The following ALCAM variants were observed in gnomAD, a reference collection of about 807,000 sequenced individuals.
ALCAM encodes the protein activated leukocyte cell adhesion molecule.
ALCAM carries 30 observed loss-of-function variants against 70.9 expected under a neutral mutation model. The ratio of observed to expected loss-of-function variants is 0.42; its 90% CI spans 0.32 to 0.57. The LOEUF is 0.57. Among genes scored for constraint, ALCAM ranks in the 20% least tolerant of loss-of-function variants. The pLI is 0.11. For synonymous variants in ALCAM, 249 were observed against 242.5 expected, an observed-to-expected ratio of 1.03 and a Z score of -0.25; for missense variants, 591 against 695.1, an observed-to-expected ratio of 0.85 and a Z score of 1.68.
intron 1 of ALCAM, among the ~76,000 whole-genome samples, chr3:105,460,606 G>A (rs1937589315): frequency 6.6e-6 from 1 of 151,946 alleles, no homozygotes; most frequent in Non-Finnish European, 1.5e-5. Flanking sequence ...ACAGAGAGAA[G>A]GGTACACTTT....
chr3:105,385,938 A>G (rs1241874392), intron 1 of ALCAM, among the ~76,000 whole-genome samples: 2 of 151,606 alleles, frequency 1.3e-5, no homozygotes, highest in Non-Finnish European at 3.0e-5. Flanking sequence ...AGACTTGTCT[A>G]TATAGGTTCA....
At chr3:105,425,681 A>G (rs777005471) in intron 1 of ALCAM, among the ~76,000 whole-genome samples, 3 of 151,820 alleles carry the variant, frequency 2.0e-5, no homozygotes, top group Non-Finnish European at 4.4e-5. Context: ...AAGTAGGCAT[A>G]AATTAAATAG....
At chr3:105,388,990 A>C (rs943104120) in intron 1 of ALCAM, among the ~76,000 whole-genome samples, 2 of 151,632 alleles carry the variant, frequency 1.3e-5, no homozygotes, top group Non-Finnish European at 3.0e-5. Context: ...TTTGTCTGTA[A>C]AATGAGGAGA....
intron 1 of ALCAM, among the ~76,000 whole-genome samples, chr3:105,461,319 T>G (rs1937602660): frequency 6.6e-6 from 1 of 151,808 alleles, no homozygotes; most frequent in Non-Finnish European, 1.5e-5. Flanking sequence ...TGCAACTAAC[T>G]AAAAATTGAA....
chr3:105,523,377 AC>A (rs1249040521), intron 2 of ALCAM, among the ~76,000 whole-genome samples: 1 of 152,198 alleles, frequency 6.6e-6, no homozygotes, highest in East Asian at 1.9e-4. Flanking sequence ...AGCAAATAAA[AC>A]TTTTGGACTC....
chr3:105,510,330 A>G (rs1939205029), intron 1 of ALCAM, among the ~76,000 whole-genome samples: 1 of 151,974 alleles, frequency 6.6e-6, no homozygotes, highest in South Asian at 2.1e-4. Flanking sequence ...TAACCAAGAA[A>G]CTTGCCTGTC....
chr3:105,390,746 CT>C (rs1334185806), intron 1 of ALCAM, among the ~76,000 whole-genome samples: 1 of 151,594 alleles, frequency 6.6e-6, no homozygotes, highest in African/African-American at 2.4e-5. Flanking sequence ...ACATTTAATG[CT>C]TTATCATCTT....
At chr3:105,566,406 C>T (rs530038468) in intron 14 of ALCAM, among the ~76,000 whole-genome samples, 1 of 152,276 alleles carries the variant, frequency 6.6e-6, no homozygotes, top group East Asian at 1.9e-4. Context: ...ATTGTTATAA[C>T]TTCCTTATAT....
chr3:105,372,252 T>A (rs1416095236), intron 1 of ALCAM, among the ~76,000 whole-genome samples: 1 of 152,120 alleles, frequency 6.6e-6, no homozygotes, highest in Non-Finnish European at 1.5e-5. Context: ...CTACAATTAT[T>A]ATAGTGTCCC....
chr3:105,421,381 G>A (rs750886577), intron 1 of ALCAM, among the ~76,000 whole-genome samples: 11 of 151,320 alleles, frequency 7.3e-5, no homozygotes, highest in African/African-American at 1.2e-4. Context: ...TGTGATGAAC[G>A]TAACACTGAT....
In ALCAM at chr3:105,367,358, C is replaced by A; in HGVS notation, c.-51C>A. The A allele has an allele frequency of 3.8e-6, 6 of 1,595,670 alleles. No individual in the cohort carries two copies. The highest frequency in any genetic ancestry group is 5.1e-6 in the Non-Finnish European group (6 of 1,167,222). ...GCACCGCGGGGCCCGGGACGACGCC[C>A]CCTCCTGCGGCGTGGACTCCGTCAG... On this transcript the variant is annotated 5_prime_UTR_variant, in exon 1 of 16. Transcript: ENST00000306107.
At chr3:105,458,014 A>G (rs1937556481) in intron 1 of ALCAM, among the ~76,000 whole-genome samples, 1 of 152,090 alleles carries the variant, frequency 6.6e-6, no homozygotes, top group Admixed American at 6.6e-5. Context: ...CATGCTCATT[A>G]TAAATCTAAA....
intron 1 of ALCAM, among the ~76,000 whole-genome samples, chr3:105,447,695 G>C (rs1230147508): frequency 2.0e-5 from 3 of 152,220 alleles, no homozygotes; most frequent in Non-Finnish European, 4.4e-5. Context: ...CTGGGTGACA[G>C]AGCAAGAAAC....
At chr3:105,563,492 A>G (rs1940671575) in intron 14 of ALCAM, among the ~76,000 whole-genome samples, 1 of 151,238 alleles carries the variant, frequency 6.6e-6, no homozygotes, top group Non-Finnish European at 1.5e-5. Flanking sequence ...GATTCTTAGT[A>G]TTAGACTTTC....
chr3:105,467,523 T>A (rs112660708), intron 1 of ALCAM, among the ~76,000 whole-genome samples: 1 of 151,222 alleles, frequency 6.6e-6, no homozygotes, highest in Admixed American at 6.6e-5. Flanking sequence ...ATACTCCTAA[T>A]GAGATGTTAA....
At chr3:105,548,811 A>G (rs550963011) in intron 11 of ALCAM, among the ~76,000 whole-genome samples, 34 of 151,540 alleles carry the variant, frequency 2.2e-4, no homozygotes, top group African/African-American at 8.0e-4. Flanking sequence ...ATTGCTGACA[A>G]TGTGCAGATC....
chr3:105,445,714 A>G (rs1257741175), intron 1 of ALCAM, among the ~76,000 whole-genome samples: 1 of 152,202 alleles, frequency 6.6e-6, no homozygotes, highest in Admixed American at 6.5e-5. Flanking sequence ...AAAGGTGCCA[A>G]GTATACACGT....
At chr3:105,570,358 T>C (rs1940835517) in intron 14 of ALCAM, among the ~76,000 whole-genome samples, 1 of 152,032 alleles carries the variant, frequency 6.6e-6, no homozygotes. Context: ...TTCCAAAATG[T>C]CAATTTGATT....
chr3:105,517,125 T>C (rs976644550), intron 1 of ALCAM, among the ~76,000 whole-genome samples: 1 of 152,084 alleles, frequency 6.6e-6, no homozygotes, highest in Non-Finnish European at 1.5e-5. Context: ...CAAATCACCA[T>C]GGTCTTTGTA....
Sources: gnomAD v4.1 joint callset for allele counts (sites outside exome capture counted in the v4.1 genomes callset) on GRCh38, gnomAD v4.1.1 for gene constraint, MANE v1.5 for transcripts, NCBI Gene and HGNC (gene_info 2026-07-23, HGNC 2026-07-21) for gene names.